Variants in CALB1 observed in about 807,000 individuals in gnomAD.
CALB1 encodes calbindin 1, also known as calbindin.
CALB1 carries 16 observed loss-of-function variants against 46.7 expected under a neutral mutation model. The ratio of observed to expected loss-of-function variants is 0.34; its 90% confidence interval spans 0.23 to 0.52. The LOEUF (loss-of-function observed/expected upper bound fraction) is 0.52. CALB1 is among the 20% of genes least tolerant of loss of function. CALB1 has a pLI of 0.95. For missense variants in CALB1, 224 were observed against 300.3 expected, an observed-to-expected ratio of 0.75 and a Z score of 1.88; for synonymous variants, 90 against 112.8, an observed-to-expected ratio of 0.80 and a Z score of 1.28.
In CALB1 at chr8:90,069,151, T is replaced by G; in HGVS notation, c.315+3A>C. On this transcript the variant is annotated splice_donor_region_variant and intron_variant, in intron 4 of 10. Transcript: ENST00000265431. ...CTTTCTTAAAGGGGCAGCTTTCTTA[T>G]ACCTTCATGAATTCCTCACAGGACT... The G allele has an allele frequency of 6.2e-7, 1 of 1,613,714 alleles. No individual in the cohort carries two copies. The highest frequency in any genetic ancestry group is 8.5e-7 in the Non-Finnish European group (1 of 1,179,626).
At chr8:90,065,250 A>G (rs1370622062) in intron 6 of CALB1, among the ~76,000 whole-genome samples, 1 of 151,610 alleles carries the variant, frequency 6.6e-6, no homozygotes, top group Non-Finnish European at 1.5e-5. Flanking sequence ...TTCCTGAAAC[A>G]GTAAGTGCCT....
intron 5 of CALB1, among the ~76,000 whole-genome samples, chr8:90,067,737 G>A (rs114473333): frequency 2.1e-3 from 317 of 152,236 alleles, no homozygotes; most frequent in African/African-American, 7.2e-3. Context: ...AATAAATGAA[G>A]TCTGAAAGCA....
chr8:90,061,188 T>C (rs1335405833), intron 9 of CALB1: 1 of 152,678 alleles, frequency 6.5e-6, no homozygotes, highest in East Asian at 1.9e-4. Flanking sequence ...GTTATTATTA[T>C]CTCTTGTTTA....
In CALB1 at chr8:90,059,100, A is replaced by C. The variant is rs1814249659; in HGVS notation, c.*1073T>G. On this transcript the variant is annotated 3_prime_UTR_variant, in exon 11 of 11. Transcript: ENST00000265431. ...TTTCTTTTCAGATGTTATTTTTTTA[A>C]ACTCATTTGAAACTATTTGCAGATA... The C allele has an allele frequency of 6.6e-6, 1 of 152,320 alleles. No homozygotes were observed. The highest frequency in any genetic ancestry group is 1.5e-5 in the Non-Finnish European group (1 of 68,016). 9.4% of individuals were successfully genotyped at this position (152,320 alleles called of 1,614,324 possible).
chr8:90,063,378 C>G, intron 7 of CALB1, 28 bp downstream of exon 7: 2 of 1,596,216 alleles, frequency 1.3e-6, no homozygotes, highest in Non-Finnish European at 1.7e-6. Flanking sequence ...GATCCACTTA[C>G]AATATTTTTC....
chr8:90,077,815 T>C (rs1814647247), intron 3 of CALB1, among the ~76,000 whole-genome samples: 1 of 152,246 alleles, frequency 6.6e-6, no homozygotes, highest in South Asian at 2.1e-4. Context: ...TAACAGATCA[T>C]AAAATATTCA....
At chr8:90,071,855 G>A (rs1814525748) in intron 3 of CALB1, among the ~76,000 whole-genome samples, 1 of 152,128 alleles carries the variant, frequency 6.6e-6, no homozygotes, top group Non-Finnish European at 1.5e-5. Flanking sequence ...CAACTTGTTA[G>A]ATACTTCTTA....
At chr8:90,069,557 T>A (rs1399495452) in intron 3 of CALB1, among the ~76,000 whole-genome samples, 1 of 152,160 alleles carries the variant, frequency 6.6e-6, no homozygotes, top group Non-Finnish European at 1.5e-5. Context: ...CTTGAACCCT[T>A]CAAGTGTTCT....
rs763857164 is a variant in CALB1 at position 90,060,162 on chromosome 8, G to A, written c.*11C>T. ...CAGTGTATCACTAGCAAGTGGTTGC[G>A]GCCACCAACTCTAGTTATCCCCAGC... On this transcript the variant is annotated 3_prime_UTR_variant, in exon 11 of 11. Transcript: ENST00000265431. 1.4e-5 allele frequency: 22 copies of A among 1,538,666 alleles called. No individual in the cohort carries two copies. Among genetic ancestry groups the A allele is most frequent in the South Asian group, 1.1e-4 (10 of 89,532 alleles).
intron 3 of CALB1, among the ~76,000 whole-genome samples, chr8:90,071,818 C>G (rs1377591509): frequency 6.6e-6 from 1 of 152,028 alleles, no homozygotes; most frequent in Non-Finnish European, 1.5e-5. Context: ...ATAGCTAACC[C>G]CAACTCGTCC....
At chr8:90,076,602 C>T (rs959812905) in intron 3 of CALB1, among the ~76,000 whole-genome samples, 8 of 151,948 alleles carry the variant, frequency 5.3e-5, no homozygotes, top group African/African-American at 1.9e-4. Flanking sequence ...TTTCAGACTT[C>T]ATCGCCTTCT....
At chr8:90,073,626 G>A (rs923192811) in intron 3 of CALB1, among the ~76,000 whole-genome samples, 1 of 152,152 alleles carries the variant, frequency 6.6e-6, no homozygotes, top group Non-Finnish European at 1.5e-5. Context: ...CTGCTTCCCA[G>A]GGAACTCTAC....
chr8:90,075,887 T>C (rs771170721), intron 3 of CALB1, among the ~76,000 whole-genome samples: 2 of 152,064 alleles, frequency 1.3e-5, no homozygotes, highest in Non-Finnish European at 2.9e-5. Context: ...CTAAGATTAA[T>C]GAAAAGAGTT....
rs577772380 is a variant in CALB1, at chr8:90,065,829, T to C, written c.450+69A>G. ...TTATTTATTTCATCCTGTGTAGCCT[T>C]GGGAGTTAGCAAGAACATCATACTA... On this transcript the variant is annotated intron_variant, in intron 6 of 10. Coordinates refer to ENST00000265431, the MANE Select transcript of CALB1 (RefSeq NM_004929.4). 9 of 947,466 alleles carry C rather than the reference T, an allele frequency of 9.5e-6. No individual in the cohort carries two copies. The East Asian group carries it at 2.2e-4, about 23-fold the overall frequency. 58.7% of individuals were successfully genotyped at this position (947,466 alleles called of 1,614,324 possible). A position where few individuals can be genotyped will look rare whatever the true frequency, so the allele number is the denominator to read the frequency against.
Position 90,059,782 on chromosome 8 carries a change from A to G in CALB1, c.*391T>C, listed in dbSNP as rs1805897. 1,362 of 168,976 alleles carry G rather than the reference A, an allele frequency of 8.1e-3. 20 individuals are homozygous for G. The highest frequency in any genetic ancestry group is 0.031 in the African/African-American group (1,313 of 42,018). 10.5% of individuals were successfully genotyped at this position (168,976 alleles called of 1,614,324 possible). ...CAGTTCTATGGTTGTCTAAAATAAG[A>G]ATGTTTGGCTTGTTATACATAATTC... On this transcript the variant is annotated 3_prime_UTR_variant, in exon 11 of 11. Transcript: ENST00000265431.
chr8:90,063,283 G>A lies in CALB1; in HGVS notation c.544C>T (p.Gln182Ter). 1 of 1,592,044 alleles carries A rather than the reference G, an allele frequency of 6.3e-7. No homozygotes were observed. The highest frequency in any genetic ancestry group is 8.6e-7 in the Non-Finnish European group (1 of 1,161,750). Residue 182 changes from glutamine to a stop codon, truncating the protein, a stop_gained and splice_region_variant, in exon 8 of 11, where the codon CAG becomes TAG. Transcript: ENST00000265431. LOFTEE classifies it high-confidence loss of function. ...TAAGGTAGTAAAAAGTTAAGTACCT[G>A]GAATTTAAGAAGAAAATTCTCCTGC... ...PVQENFLLKF[Q>*]GIKMCGKEFN...
At chr8:90,070,991 T>C (rs1394695276) in intron 3 of CALB1, among the ~76,000 whole-genome samples, 10 of 152,132 alleles carry the variant, frequency 6.6e-5, no homozygotes, top group Non-Finnish European at 1.5e-5. Flanking sequence ...AATAACATAA[T>C]TTAATTTAAT....
intron 6 of CALB1, 78 bp downstream of exon 6, chr8:90,065,820 G>A (rs1814385452): frequency 3.4e-6 from 3 of 878,140 alleles, no homozygotes; most frequent in African/African-American, 3.3e-5. Context: ...ATTTCATCCT[G>A]TGTAGCCTTG....
chr8:90,081,992 AG>A lies in CALB1; in HGVS notation c.156+33del, dbSNP rs772249173. 16 of 1,568,830 alleles carry A rather than the reference AG, an allele frequency of 1.0e-5. No individual in the cohort carries two copies. The East Asian group carries it at 3.6e-4, about 35-fold the overall frequency. On this transcript the variant is annotated intron_variant, in intron 2 of 10. Transcript: ENST00000265431. ...AGAATGTTTTAATTTGGGGGTTAAA[AG>A]TCTTTTTTTCTTTTTCGCAAACTTG...
Sources: gnomAD v4.1 joint callset for allele counts (sites outside exome capture counted in the v4.1 genomes callset) on GRCh38, gnomAD v4.1.1 for gene constraint, MANE v1.5 for transcripts, NCBI Gene and HGNC (gene_info 2026-07-23, HGNC 2026-07-21) for gene names.